CCDC85C: variants seen among roughly 807,000 people sequenced by gnomAD.
The protein encoded by CCDC85C is coiled-coil domain containing 85C, also known as coiled-coil domain-containing protein 85C.
CCDC85C carries 18 observed loss-of-function variants against 38.3 expected under a neutral mutation model. The ratio of observed to expected loss-of-function variants is 0.47; its 90% CI spans 0.33 to 0.70. CCDC85C has a LOEUF of 0.70. CCDC85C is among the 30% of genes least tolerant of loss of function. The pLI is 0.03. For missense variants in CCDC85C, 566 were observed against 621.2 expected, an observed-to-expected ratio of 0.91 and a Z score of 0.94; for synonymous variants, 264 against 293.8, an observed-to-expected ratio of 0.90 and a Z score of 1.04.
In CCDC85C at chr14:99,515,223, T is replaced by C; in HGVS notation, c.*23A>G. The C allele has an allele frequency of 6.5e-7, 1 of 1,538,976 alleles. No individual in the cohort carries two copies. Among genetic ancestry groups the C allele is most frequent in the Non-Finnish European group, 8.8e-7 (1 of 1,137,184 alleles). The stretch of plus-strand genomic sequence containing the variant: ...CCCTGGGGACCCCCAGCAGGGCCAG[T>C]CCACGTCCACAGAAGAGTGGCCCTA... On this transcript the variant is annotated 3_prime_UTR_variant, in exon 6 of 6. Coordinates refer to ENST00000380243, the MANE Select transcript of CCDC85C (RefSeq NM_001144995.2).
At chr14:99,529,415 GT>G (rs1421112330) in intron 2 of CCDC85C, among the ~76,000 whole-genome samples, 9 of 152,000 alleles carry the variant, frequency 5.9e-5, no homozygotes, top group Admixed American at 3.3e-4. Flanking sequence ...GTTTTATTTT[GT>G]TTTTGAGATG....
At chr14:99,536,623 A>G (rs1897606741) in intron 1 of CCDC85C, among the ~76,000 whole-genome samples, 1 of 152,206 alleles carries the variant, frequency 6.6e-6, no homozygotes, top group South Asian at 2.1e-4. Context: ...CTGATCACCC[A>G]GGAACTTCTC....
At chr14:99,517,847 G>A (rs1300683209) in intron 3 of CCDC85C, among the ~76,000 whole-genome samples, 4 of 152,240 alleles carry the variant, frequency 2.6e-5, no homozygotes, top group Non-Finnish European at 5.9e-5. Context: ...GCCAGGTGCA[G>A]GGCTTCTGCC....
intron 1 of CCDC85C, among the ~76,000 whole-genome samples, chr14:99,553,358 G>GT (rs5810958): frequency 3.8e-4 from 58 of 150,680 alleles, no homozygotes; most frequent in South Asian, 1.0e-3. Context: ...TCCCTGTGTG[G>GT]TTTTTTTTTT....
rs1322122976 is a variant in CCDC85C, at chr14:99,604,003, G to A, written c.-44C>T. 8 of 1,194,854 alleles carry A rather than the reference G, an allele frequency of 6.7e-6. No homozygotes were observed. In the East Asian group the frequency reaches 2.5e-4, roughly 38 times the overall value. 74.0% of individuals were successfully genotyped at this position (1,194,854 alleles called of 1,614,324 possible). On this transcript the variant is annotated 5_prime_UTR_variant, in exon 1 of 6. Coordinates refer to ENST00000380243, the MANE Select transcript of CCDC85C (RefSeq NM_001144995.2). ...GCATCGCCCTCGCCCTCGCCCGGCC[G>A]GCGCTTCCCCGCGCCGGGGCTCCGC...
chr14:99,530,816 T>C (rs1897479046), intron 2 of CCDC85C, among the ~76,000 whole-genome samples: 1 of 152,184 alleles, frequency 6.6e-6, no homozygotes, highest in African/African-American at 2.4e-5. Context: ...ACACAGCAGG[T>C]GAGCGCTGGG....
chr14:99,595,669 G>C (rs2055135266), intron 1 of CCDC85C, among the ~76,000 whole-genome samples: 1 of 152,174 alleles, frequency 6.6e-6, no homozygotes, highest in Non-Finnish European at 1.5e-5. Flanking sequence ...GAGGGAAAGG[G>C]GCATGATGAA....
Position 99,583,460 on chromosome 14 carries a change from C to T in CCDC85C, c.793+19707G>A, listed in dbSNP as rs1254610544. On this transcript the variant is annotated intron_variant, in intron 1 of 5. Transcript: ENST00000380243. ...CGGAGGTTACAATGAGCCAAGATCG[C>T]ATGATCGCACTCCAGGCTGGGCAAC... is the stretch of plus-strand genomic sequence containing the variant. Among the ~76,000 whole-genome samples the T allele has an allele frequency of 2.2e-5, 3 of 139,390 alleles. No individual in the cohort carries two copies. In the East Asian group the frequency reaches 6.4e-4, roughly 30 times the overall value. The allele number at this position is 139,390 out of a possible 152,430, so 91.4% of individuals were successfully genotyped here. A position where few individuals can be genotyped will look rare whatever the true frequency, so the allele number is the denominator to read the frequency against.
At chr14:99,547,970 T>C (rs1897837988) in intron 1 of CCDC85C, among the ~76,000 whole-genome samples, 1 of 152,072 alleles carries the variant, frequency 6.6e-6, no homozygotes, top group African/African-American at 2.4e-5. Flanking sequence ...ACTATTATTT[T>C]AAAACAAAGA....
chr14:99,578,579 C>CTG (rs761661282), intron 1 of CCDC85C, among the ~76,000 whole-genome samples: 1 of 152,142 alleles, frequency 6.6e-6, no homozygotes, highest in Admixed American at 6.5e-5. Context: ...TCCCCTGTCA[C>CTG]TGTGTGTGTG....
intron 1 of CCDC85C, among the ~76,000 whole-genome samples, chr14:99,591,270 C>T (rs2139987468): frequency 6.6e-6 from 1 of 152,368 alleles, no homozygotes; most frequent in South Asian, 2.1e-4. Flanking sequence ...GCCGGGGAGA[C>T]CCCTGGAGCT....
rs1474424299 is a variant in CCDC85C, at chr14:99,548,389, C to CTG, written c.794-12303_794-12302dup. Among the ~76,000 whole-genome samples, 1 of 152,152 alleles carries CTG rather than the reference C, an allele frequency of 6.6e-6. No homozygotes were observed. Among genetic ancestry groups the CTG allele is most frequent in the Non-Finnish European group, 1.5e-5 (1 of 68,026 alleles). ...TGGCGGAGAGTAAAAAGTGGTCATGCTGTGTGACGGTGCACACGTAAGAAC... is the reference window on the plus strand; with the variant it reads ...TGGCGGAGAGTAAAAAGTGGTCATGCTGTGTGTGACGGTGCACACGTAAGAAC... On this transcript the variant is annotated intron_variant, in intron 1 of 5. Coordinates refer to ENST00000380243, the MANE Select transcript of CCDC85C (RefSeq NM_001144995.2). The surrounding 1 kb of genome is among the most constrained non-coding windows in gnomAD (Gnocchi z 4.9).
chr14:99,537,008 C>CG (rs1392345149), intron 1 of CCDC85C, among the ~76,000 whole-genome samples: 1 of 152,050 alleles, frequency 6.6e-6, no homozygotes, highest in African/African-American at 2.4e-5. Context: ...GAACACAGGC[C>CG]GGGGGACCAC....
intron 1 of CCDC85C, among the ~76,000 whole-genome samples, chr14:99,555,408 C>T (rs11850672): frequency 0.53 from 80,570 of 152,114 alleles, 21,590 homozygotes; most frequent in African/African-American, 0.61. Flanking sequence ...GGTGACAACA[C>T]GTGCCCTGGC....
At position 99,508,099 on chromosome 14, in the gene CCDC85C, A is replaced by AC. The variant is rs1897021359; in HGVS notation, c.*7146dup. 1 of 152,248 alleles carries AC rather than the reference A, an allele frequency of 6.6e-6. No individual in the cohort carries two copies. The highest frequency in any genetic ancestry group is 2.1e-4 in the South Asian group (1 of 4,832). 9.4% of individuals were successfully genotyped at this position (152,248 alleles called of 1,614,324 possible). The stretch of plus-strand genomic sequence containing the variant: ...GTGCACGTGGCTCACACTGGGGCTG[A>AC]CAGCACTGTGTGCCCGTAACAGATG... On this transcript the variant is annotated 3_prime_UTR_variant, in exon 6 of 6. Coordinates refer to ENST00000380243, the MANE Select transcript of CCDC85C (RefSeq NM_001144995.2).
At position 99,569,622 on chromosome 14, in the gene CCDC85C, C is replaced by T. The variant is rs1898293587; in HGVS notation, c.794-33534G>A. 1.3e-5 allele frequency among the ~76,000 whole-genome samples: 2 copies of T among 152,330 alleles called. No homozygotes were observed. The highest frequency in any genetic ancestry group is 4.1e-4 in the South Asian group (2 of 4,834). On this transcript the variant is annotated intron_variant, in intron 1 of 5. Transcript: ENST00000380243. This position sits in a 1 kb window ranked among gnomAD's most constrained non-coding sequence, Gnocchi z 4.3. ...GACACTCCAGAGCCAAGAGCTGAAC[C>T]CAGGCACATCCAGCCTCAAACCTGG...
At position 99,603,935 on chromosome 14, in the gene CCDC85C, CCGCCGT is replaced by C; in HGVS notation, c.19_24del (p.Thr7_Ala8del). The C allele has an allele frequency of 7.1e-7, 1 of 1,411,044 alleles. No homozygotes were observed. Among genetic ancestry groups the C allele is most frequent in the Non-Finnish European group, 9.2e-7 (1 of 1,088,048 alleles). 87.4% of individuals were successfully genotyped at this position (1,411,044 alleles called of 1,614,324 possible). ...TGGCTCAGCTCCTCCGACGCCGCCG[CCGCCGT>C]CGCCGCGGGCTTAGCCATGGCGGGG... On this transcript the variant is annotated inframe_deletion, in exon 1 of 6. Coordinates refer to ENST00000380243, the MANE Select transcript of CCDC85C (RefSeq NM_001144995.2). This position sits in a 1 kb window ranked among gnomAD's most constrained non-coding sequence, Gnocchi z 7.5.
At chr14:99,594,728 C>G (rs1255520563) in intron 1 of CCDC85C, among the ~76,000 whole-genome samples, 14 of 152,008 alleles carry the variant, frequency 9.2e-5, no homozygotes, top group Admixed American at 9.2e-4. Flanking sequence ...TCCTATTTTA[C>G]AGATGGGAAA....
chr14:99,507,386 G>C lies in CCDC85C; in HGVS notation c.*7860C>G, dbSNP rs1233828270. 5 of 505,080 alleles carry C rather than the reference G, an allele frequency of 9.9e-6. No individual in the cohort carries two copies. Among genetic ancestry groups the C allele is most frequent in the Non-Finnish European group, 1.4e-5 (4 of 276,856 alleles). The allele number at this position is 505,080 out of a possible 1,614,324, so 31.3% of individuals were successfully genotyped here. A position where few individuals can be genotyped will look rare whatever the true frequency, so the allele number is the denominator to read the frequency against. On this transcript the variant is annotated 3_prime_UTR_variant, in exon 6 of 6. Coordinates refer to ENST00000380243, the MANE Select transcript of CCDC85C (RefSeq NM_001144995.2). Reference sequence around the variant, plus strand: ...GACCCCAGGAGTTCGAGGTCAGCCTGGGCAACAAAGTGAGACCCTGTCTAA... The same window carrying C: ...GACCCCAGGAGTTCGAGGTCAGCCTCGGCAACAAAGTGAGACCCTGTCTAA...
Sources: gnomAD v4.1 joint callset for allele counts (sites outside exome capture counted in the v4.1 genomes callset) on GRCh38, gnomAD v4.1.1 for gene constraint, Gnocchi (gnomAD v3.1) non-coding constraint, MANE v1.5 for transcripts, NCBI Gene and HGNC (gene_info 2026-07-23, HGNC 2026-07-21) for gene names.